PTPA: variants seen among roughly 807,000 people sequenced by gnomAD.
PTPA encodes the protein protein phosphatase 2 phosphatase activator.
Under a neutral mutation model 43.6 loss-of-function variants are expected in PTPA, and 13 were observed. That is an observed-to-expected ratio of 0.30 (90% CI 0.19 to 0.47). The LOEUF (loss-of-function observed/expected upper bound fraction) is 0.47. Ranked by LOEUF, PTPA falls within the 20% of genes least tolerant of loss-of-function variation. PTPA has a pLI of 0.99. For synonymous variants in PTPA, 172 were observed against 158.2 expected (o/e 1.09, Z -0.66); for missense variants, 329 against 411.9 (o/e 0.80, Z 1.74).
At chr9:129,121,668 T>A (rs993496497) in intron 2 of PTPA, among the ~76,000 whole-genome samples, 10 of 152,254 alleles carry the variant, frequency 6.6e-5, no homozygotes, top group Non-Finnish European at 8.8e-5. Flanking sequence ...ACCCACTAGA[T>A]GTTGGCAGCA....
intron 3 of PTPA, among the ~76,000 whole-genome samples, chr9:129,123,578 A>G (rs1162700568): frequency 6.6e-6 from 1 of 152,184 alleles, no homozygotes; most frequent in East Asian, 1.9e-4. Context: ...TTTCATATCT[A>G]TATTTCTAAT....
intron 9 of PTPA, chr9:129,143,284 A>G (rs1851031794): frequency 1.4e-6 from 1 of 702,778 alleles, no homozygotes; most frequent in South Asian, 1.5e-5. Flanking sequence ...GACTAATTCT[A>G]GAACTGCTTG....
intron 1 of PTPA, among the ~76,000 whole-genome samples, chr9:129,117,895 AAT>A (rs1282434110): frequency 1.3e-5 from 2 of 150,646 alleles, no homozygotes; most frequent in African/African-American, 2.5e-5. Flanking sequence ...ATGGGGTTTC[AAT>A]ATGTTTCCCA....
chr9:129,123,981 C>G (rs955370560), intron 3 of PTPA, among the ~76,000 whole-genome samples: 5 of 123,986 alleles, frequency 4.0e-5, no homozygotes, highest in Non-Finnish European at 6.9e-5. Flanking sequence ...CTGCGCCTGG[C>G]CTGGTGTTTT....
chr9:129,138,669 G>A (rs544644265), intron 8 of PTPA, among the ~76,000 whole-genome samples: 5 of 152,310 alleles, frequency 3.3e-5, no homozygotes, highest in South Asian at 2.1e-4. Flanking sequence ...TGCTGGCCAC[G>A]GGGGCTGCTC....
intron 3 of PTPA, among the ~76,000 whole-genome samples, chr9:129,125,499 T>G (rs1849518076): frequency 6.6e-6 from 1 of 152,118 alleles, no homozygotes; most frequent in South Asian, 2.1e-4. Flanking sequence ...TGCTTTGTCC[T>G]CCCAAAGTGC....
At chr9:129,138,202 C>T (rs745469418) in intron 8 of PTPA, 20 of 200,260 alleles carry the variant, frequency 1.0e-4, no homozygotes, top group East Asian at 1.2e-4. Context: ...AGTGGGAGTG[C>T]GCAGGCCTGG....
intron 1 of PTPA, among the ~76,000 whole-genome samples, chr9:129,118,051 C>CT (rs36010420): frequency 2.8e-4 from 39 of 141,418 alleles, no homozygotes; most frequent in African/African-American, 7.3e-4. Context: ...TGAGTTGTTT[C>CT]TTTTTTTTTT....
chr9:129,143,129 C>T (rs975166829), intron 9 of PTPA: 2 of 614,546 alleles, frequency 3.3e-6, no homozygotes, highest in Non-Finnish European at 2.8e-6. Context: ...GGAGCTCCCC[C>T]TGCTGGCAGG....
intron 9 of PTPA, among the ~76,000 whole-genome samples, chr9:129,146,611 G>A (rs916333937): frequency 2.0e-5 from 3 of 152,224 alleles, no homozygotes; most frequent in African/African-American, 7.2e-5. Flanking sequence ...CGCATGCCCA[G>A]AACGGCTCCT....
intron 2 of PTPA, among the ~76,000 whole-genome samples, chr9:129,122,318 GT>G (rs1303616611): frequency 6.6e-6 from 1 of 152,144 alleles, no homozygotes; most frequent in Non-Finnish European, 1.5e-5. Context: ...GCCCAGGCTG[GT>G]CTCAAGCTCC....
chr9:129,145,195 G>A (rs868191400), intron 9 of PTPA, among the ~76,000 whole-genome samples: 4 of 152,070 alleles, frequency 2.6e-5, no homozygotes, highest in Non-Finnish European at 4.4e-5. Context: ...GCCTGGCATC[G>A]TGGTGCGCAC....
intron 8 of PTPA, among the ~76,000 whole-genome samples, chr9:129,138,725 C>G (rs1391057564): frequency 6.6e-6 from 1 of 152,338 alleles, no homozygotes; most frequent in East Asian, 1.9e-4. Flanking sequence ...GTGGAGAAAG[C>G]TGGGTTATAA....
intron 9 of PTPA, among the ~76,000 whole-genome samples, chr9:129,143,957 C>G (rs560822132): frequency 6.6e-6 from 1 of 151,812 alleles, no homozygotes; most frequent in East Asian, 2.0e-4. Context: ...ACATCGCCCA[C>G]CAGCCACCTC....
intron 1 of PTPA, 74 bp downstream of exon 1, chr9:129,111,705 G>T: frequency 8.0e-7 from 1 of 1,247,432 alleles, no homozygotes; most frequent in Non-Finnish European, 1.0e-6. Context: ...AGGCTCAGGA[G>T]GGCGAGAGTC....
At chr9:129,133,921 C>T (rs73629615) in intron 5 of PTPA, among the ~76,000 whole-genome samples, 15,586 of 152,296 alleles carry the variant, frequency 0.1, 2,607 homozygotes, top group African/African-American at 0.35. Flanking sequence ...TCTTGCTTCC[C>T]TCACTCCCTT....
At chr9:129,125,106 T>C (rs1398091045) in intron 3 of PTPA, among the ~76,000 whole-genome samples, 1 of 152,030 alleles carries the variant, frequency 6.6e-6, no homozygotes, top group Admixed American at 6.6e-5. Flanking sequence ...CTGGAGCCTG[T>C]GGTGAGGGAT....
chr9:129,134,149 T>C (rs940827917), intron 5 of PTPA, among the ~76,000 whole-genome samples: 1 of 152,154 alleles, frequency 6.6e-6, no homozygotes, highest in African/African-American at 2.4e-5. Flanking sequence ...CTTGTCACTG[T>C]CTCCTAGTGC....
intron 9 of PTPA, chr9:129,143,179 C>G (rs1851022296): frequency 1.6e-6 from 1 of 620,046 alleles, no homozygotes; most frequent in Admixed American, 2.6e-5. Flanking sequence ...ACTGTTCTCC[C>G]AGCCAAGGAG....
Sources: allele counts gnomAD v4.1 joint callset (sites outside exome capture counted in the v4.1 genomes callset), GRCh38; gene constraint gnomAD v4.1.1; transcripts MANE v1.5; gene names NCBI Gene and HGNC (gene_info 2026-07-23, HGNC 2026-07-21).